CAMK2D: variants seen among roughly 807,000 people sequenced by gnomAD.
CAMK2D encodes calcium/calmodulin-dependent protein kinase type II subunit delta.
In CAMK2D, 37 loss-of-function variants were observed where a neutral mutation model predicts 84.0. The observed-to-expected ratio is 0.44, with a 90% confidence interval of 0.34 to 0.58. The LOEUF (loss-of-function observed/expected upper bound fraction) is 0.58. CAMK2D is among the 20% of genes least tolerant of loss of function. The probability of loss-of-function intolerance (pLI) is 0.02; values close to 1 mark genes in which losing one functional copy is unlikely to be tolerated. For synonymous variants in CAMK2D, 202 were observed against 212.5 expected, an observed-to-expected ratio of 0.95 and a Z score of 0.43; for missense variants, 448 against 652.5, an observed-to-expected ratio of 0.69 and a Z score of 3.41.
chr4:113,615,408 C>T (rs1490665613), intron 3 of CAMK2D, among the ~76,000 whole-genome samples: 2 of 152,070 alleles, frequency 1.3e-5, no homozygotes, highest in African/African-American at 2.4e-5. Context: ...AATTTCAGCT[C>T]AACCATTATT....
chr4:113,671,997 T>C (rs187931684), intron 2 of CAMK2D, among the ~76,000 whole-genome samples: 8 of 152,346 alleles, frequency 5.3e-5, no homozygotes, highest in African/African-American at 1.9e-4. Context: ...CCAGATTGCA[T>C]ACATGTGAGG....
In CAMK2D at chr4:113,709,756, TATATATATATA is replaced by T. The variant is rs1324862414; in HGVS notation, c.161-47995_161-47985del. ...CTAAAAGCCGTGAACGATATATATA[TATATATATATA>T]TATATATATATATATGAGAGACTTC... On this transcript the variant is annotated intron_variant, in intron 2 of 20. Coordinates refer to ENST00000511664, the MANE Select transcript of CAMK2D (RefSeq NM_001321571.2). Among the ~76,000 whole-genome samples the T allele has an allele frequency of 4.0e-3, 411 of 103,618 alleles. 36 individuals are homozygous for T. Among genetic ancestry groups the T allele is most frequent in the African/African-American group, 0.017 (393 of 23,436 alleles). 68.0% of individuals were successfully genotyped at this position (103,618 alleles called of 152,430 possible).
chr4:113,553,361 A>G (rs2098643106), intron 4 of CAMK2D, among the ~76,000 whole-genome samples: 1 of 152,192 alleles, frequency 6.6e-6, no homozygotes, highest in Non-Finnish European at 1.5e-5. Context: ...AGTCATTTGG[A>G]AAAGCATCAA....
intron 2 of CAMK2D, among the ~76,000 whole-genome samples, chr4:113,720,328 A>C (rs558234601): frequency 6.6e-6 from 1 of 151,628 alleles, no homozygotes; most frequent in South Asian, 2.1e-4. Context: ...CTCTAATCAA[A>C]TACCAATTTT....
intron 3 of CAMK2D, among the ~76,000 whole-genome samples, chr4:113,612,256 A>T (rs564480375): frequency 6.6e-6 from 1 of 152,316 alleles, no homozygotes; most frequent in East Asian, 1.9e-4. Context: ...AGTTGTAGAC[A>T]TCATCTATTT....
At chr4:113,604,912 T>C (rs1026013887) in intron 4 of CAMK2D, among the ~76,000 whole-genome samples, 4 of 152,234 alleles carry the variant, frequency 2.6e-5, no homozygotes, top group Admixed American at 2.6e-4. Context: ...ACTGGCATAG[T>C]AGAAGGTTTT....
intron 16 of CAMK2D, among the ~76,000 whole-genome samples, chr4:113,495,317 C>G (rs17591997): frequency 0.091 from 13,867 of 152,142 alleles, 1,090 homozygotes; most frequent in East Asian, 0.36. Flanking sequence ...ATAAAATACC[C>G]AAGAGTTTCT....
chr4:113,541,334 A>G (rs2098528616), intron 6 of CAMK2D, among the ~76,000 whole-genome samples: 1 of 152,238 alleles, frequency 6.6e-6, no homozygotes, highest in South Asian at 2.1e-4. Context: ...TATTTTTAAA[A>G]GGTAGTCCAT....
At position 113,736,842 on chromosome 4, in the gene CAMK2D, A is replaced by G. The variant is rs79549372; in HGVS notation, c.160+22478T>C. Among the ~76,000 whole-genome samples, 2,256 of 152,286 alleles carry G rather than the reference A, an allele frequency of 0.015. 91 individuals carry two copies. In the East Asian group the frequency reaches 0.15, roughly 10 times the overall value. The stretch of plus-strand genomic sequence containing the variant: ...CCCTCTGGTTCCTCGTGATTCATTA[A>G]ATCACATTATCATACACTAAGAAGT... On this transcript the variant is annotated intron_variant, in intron 2 of 20. Coordinates refer to ENST00000511664, the MANE Select transcript of CAMK2D (RefSeq NM_001321571.2).
intron 2 of CAMK2D, among the ~76,000 whole-genome samples, chr4:113,681,106 A>T (rs548873615): frequency 1.3e-5 from 2 of 152,300 alleles, no homozygotes; most frequent in South Asian, 4.1e-4. Context: ...TTTTACTGAT[A>T]GTCATATTTA....
chr4:113,528,267 T>TA (rs1560736768), intron 8 of CAMK2D, among the ~76,000 whole-genome samples: 1 of 152,160 alleles, frequency 6.6e-6, no homozygotes, highest in Non-Finnish European at 1.5e-5. Flanking sequence ...TTACTGTATT[T>TA]AAAAAATCCT....
chr4:113,561,939 C>G (rs942398369), intron 4 of CAMK2D, among the ~76,000 whole-genome samples: 2 of 152,184 alleles, frequency 1.3e-5, no homozygotes, highest in Non-Finnish European at 2.9e-5. Context: ...AGTTGGGTCT[C>G]TGGAATATTA....
At chr4:113,627,786 G>T (rs1458058658) in intron 3 of CAMK2D, among the ~76,000 whole-genome samples, 2 of 152,090 alleles carry the variant, frequency 1.3e-5, no homozygotes, top group Non-Finnish European at 2.9e-5. Flanking sequence ...GGCAAAGTGG[G>T]GCCTTATTAG....
intron 2 of CAMK2D, among the ~76,000 whole-genome samples, chr4:113,693,967 T>C (rs541227675): frequency 4.4e-4 from 67 of 152,200 alleles, no homozygotes; most frequent in Non-Finnish European, 8.1e-4. Flanking sequence ...TACTCACTTA[T>C]TCATGCTAGA....
At chr4:113,733,538 G>C (rs537264208) in intron 2 of CAMK2D, among the ~76,000 whole-genome samples, 1 of 152,206 alleles carries the variant, frequency 6.6e-6, no homozygotes, top group Non-Finnish European at 1.5e-5. Context: ...CAAACAAAGG[G>C]AAAAGTCAAG....
intron 4 of CAMK2D, among the ~76,000 whole-genome samples, chr4:113,574,949 T>C (rs1008076845): frequency 2.6e-5 from 4 of 152,206 alleles, no homozygotes. Flanking sequence ...TCTTCCTTTG[T>C]CAGCAGCATA....
chr4:113,578,280 T>C (rs1368295520), intron 4 of CAMK2D, among the ~76,000 whole-genome samples: 2 of 152,170 alleles, frequency 1.3e-5, no homozygotes, highest in Non-Finnish European at 2.9e-5. Flanking sequence ...TTTCTAATTC[T>C]TGTTGGCCAG....
At chr4:113,756,811 T>C (rs2099629624) in intron 2 of CAMK2D, among the ~76,000 whole-genome samples, 1 of 152,082 alleles carries the variant, frequency 6.6e-6, no homozygotes, top group African/African-American at 2.4e-5. Flanking sequence ...AAGCATGGTA[T>C]TTTCTTCTTC....
intron 5 of CAMK2D, among the ~76,000 whole-genome samples, chr4:113,551,772 T>C (rs990251295): frequency 3.3e-5 from 5 of 152,226 alleles, no homozygotes; most frequent in Non-Finnish European, 7.3e-5. Flanking sequence ...CTAAAAAATA[T>C]ATTGCTTTAG....
Sources: gnomAD v4.1 joint callset for allele counts (sites outside exome capture counted in the v4.1 genomes callset) on GRCh38, gnomAD v4.1.1 for gene constraint, MANE v1.5 for transcripts, NCBI Gene and HGNC (gene_info 2026-07-23, HGNC 2026-07-21) for gene names.